Variants in SLC5A4 observed in about 807,000 individuals in gnomAD.
SLC5A4 encodes the protein solute carrier family 5 member 4, also known as probable glucose sensor protein SLC5A4.
A neutral mutation model predicts 70.3 loss-of-function variants in SLC5A4; 55 were observed. The ratio of observed to expected loss-of-function variants is 0.78; its 90% CI spans 0.63 to 0.98. The LOEUF is 0.98. SLC5A4 is among the 50% of genes least tolerant of loss of function. SLC5A4 has a pLI of 0.00. For missense variants in SLC5A4, 735 were observed against 839.2 expected, an observed-to-expected ratio of 0.88 and a Z score of 1.53; for synonymous variants, 268 against 305.7, an observed-to-expected ratio of 0.88 and a Z score of 1.29.
At chr22:32,321,801 T>C in the SLC5A4 span, among the ~76,000 whole-genome samples, 6 of 152,252 alleles carry the variant, frequency 3.9e-5, no homozygotes, top group African/African-American at 1.4e-4. Context: ...CATGATCTTG[T>C]TCTTTTTTAT....
the SLC5A4 span, among the ~76,000 whole-genome samples, chr22:32,345,985 C>T: frequency 6.6e-6 from 1 of 152,150 alleles, no homozygotes; most frequent in Non-Finnish European, 1.5e-5. Flanking sequence ...CTCTACTTTC[C>T]AAGCTACTGG....
chr22:32,243,262 T>G (rs1208591945), intron 5 of SLC5A4, among the ~76,000 whole-genome samples: 1 of 151,814 alleles, frequency 6.6e-6, no homozygotes, highest in Admixed American at 6.6e-5. Context: ...AAGGGTGGAG[T>G]AGGGACTCTA....
the SLC5A4 span, among the ~76,000 whole-genome samples, chr22:32,288,194 G>C: frequency 6.6e-6 from 1 of 152,158 alleles, no homozygotes; most frequent in South Asian, 2.1e-4. Context: ...ACAATTTCAA[G>C]TGAGGTTTTC....
At chr22:32,343,169 A>C in the SLC5A4 span, 1 of 152,238 alleles carries the variant, frequency 6.6e-6, no homozygotes, top group African/African-American at 2.4e-5. Flanking sequence ...CAACTGTGAC[A>C]CTTTTGGCAG....
the SLC5A4 span, chr22:32,270,294 G>A: frequency 7.8e-5 from 64 of 819,808 alleles, 1 homozygote; most frequent in South Asian, 5.5e-4. Context: ...ACCCTGAGCC[G>A]GACCTGGAGA....
chr22:32,233,227 T>C (rs1925865875), intron 8 of SLC5A4, among the ~76,000 whole-genome samples, 193 bp from the exon 9 acceptor site: 1 of 152,206 alleles, frequency 6.6e-6, no homozygotes, highest in African/African-American at 2.4e-5. Context: ...TGAGTGTCCA[T>C]CAGCGGATGA....
chr22:32,339,378 ACT>A, the SLC5A4 span, among the ~76,000 whole-genome samples: 3 of 152,182 alleles, frequency 2.0e-5, no homozygotes, highest in African/African-American at 7.2e-5. Context: ...TGATGGGAAC[ACT>A]GAGACTCAGG....
the SLC5A4 span, among the ~76,000 whole-genome samples, chr22:32,350,348 G>C: frequency 6.6e-6 from 1 of 152,200 alleles, no homozygotes; most frequent in Admixed American, 6.5e-5. Flanking sequence ...CAACCATCCT[G>C]TAAAAGTCTG....
the SLC5A4 span, among the ~76,000 whole-genome samples, chr22:32,298,682 T>C: frequency 1.7e-4 from 13 of 75,302 alleles, no homozygotes; most frequent in African/African-American, 6.7e-4. Flanking sequence ...TATGTGTGAA[T>C]TTGATCCTGT....
At chr22:32,259,138 G>A (rs1927625331), upstream of SLC5A4, among the ~76,000 whole-genome samples, 1 of 152,234 alleles carries the variant, frequency 6.6e-6, no homozygotes, top group Non-Finnish European at 1.5e-5. Context: ...ATCAGTGGCA[G>A]AGATCTGCTG....
chr22:32,235,460 G>T (rs559091682), intron 7 of SLC5A4, among the ~76,000 whole-genome samples: 3 of 152,306 alleles, frequency 2.0e-5, no homozygotes, highest in African/African-American at 7.2e-5. Flanking sequence ...TGAGCCTCAT[G>T]AAATTATCCA....
At position 32,232,927 on chromosome 22, in the gene SLC5A4, C is replaced by A; in HGVS notation, c.993G>T (p.Pro331=). Residue 331 remains proline (P), a synonymous_variant, in exon 9 of 15, where the codon CCG becomes CCT. Transcript: ENST00000266086. The part of the protein sequence containing the change: ...KLLPMFLMVM[P]GMISRILYTD... The stretch of plus-strand genomic sequence containing the variant: ...TGTACAGGATGCGGCTGATCATCCC[C>A]GGCATCACCATGAGGAACATGGGCA... 6.2e-7 allele frequency: 1 copy of A among 1,614,068 alleles called. No homozygotes were observed. Among genetic ancestry groups the A allele is most frequent in the South Asian group, 1.1e-5 (1 of 91,060 alleles).
the SLC5A4 span, among the ~76,000 whole-genome samples, chr22:32,354,365 G>C: frequency 6.6e-6 from 1 of 151,184 alleles, no homozygotes; most frequent in Admixed American, 6.6e-5. Flanking sequence ...TGCAGCCCCA[G>C]ATAGTGCTGC....
chr22:32,329,415 C>T, the SLC5A4 span, among the ~76,000 whole-genome samples: 19 of 152,004 alleles, frequency 1.2e-4, no homozygotes, highest in Admixed American at 9.8e-4. Context: ...AGCGGGGCCG[C>T]GGACATGCTT....
intron 6 of SLC5A4, among the ~76,000 whole-genome samples, chr22:32,238,200 G>A: frequency 6.6e-6 from 1 of 151,500 alleles, no homozygotes; most frequent in East Asian, 1.9e-4. Context: ...AGCTTACATG[G>A]ACTCTCCCTC....
rs142265566 is a variant in SLC5A4, at chr22:32,244,887, T to C, written c.477+2524A>G. Among the ~76,000 whole-genome samples, 217 of 152,340 alleles carry C rather than the reference T, an allele frequency of 1.4e-3. 2 individuals are homozygous for C. The highest frequency in any genetic ancestry group is 5.1e-3 in the African/African-American group (210 of 41,574). On this transcript the variant is annotated intron_variant, in intron 5 of 14. Coordinates refer to ENST00000266086, the MANE Select transcript of SLC5A4 (RefSeq NM_014227.3). ...CATATATGACATAAAATTTACCATT[T>C]TAACCATTTAAGTATATAATTCAGT...
upstream of SLC5A4, among the ~76,000 whole-genome samples, chr22:32,260,244 C>G (rs541206433): frequency 4.6e-4 from 69 of 151,586 alleles, no homozygotes; most frequent in African/African-American, 1.7e-3. Flanking sequence ...CCCACTTCCT[C>G]TACATTGGCT....
At chr22:32,298,357 A>C in the SLC5A4 span, among the ~76,000 whole-genome samples, 3 of 145,654 alleles carry the variant, frequency 2.1e-5, no homozygotes, top group South Asian at 6.8e-4. Context: ...GTGCATATAT[A>C]TTTAGGATAG....
the SLC5A4 span, among the ~76,000 whole-genome samples, chr22:32,338,616 C>T: frequency 6.6e-5 from 10 of 152,174 alleles, no homozygotes; most frequent in African/African-American, 2.2e-4. Flanking sequence ...CTGTAGTGAG[C>T]CAAGATCACA....
Sources: allele counts gnomAD v4.1 joint callset (sites outside exome capture counted in the v4.1 genomes callset), GRCh38; gene constraint gnomAD v4.1.1; transcripts MANE v1.5; gene names NCBI Gene and HGNC (gene_info 2026-07-23, HGNC 2026-07-21).